The following STAG1 variants were observed in gnomAD, a reference collection of about 807,000 sequenced individuals.
STAG1 encodes STAG1 cohesin complex component.
STAG1 carries 26 observed loss-of-function variants against 170.9 expected under a neutral mutation model. The ratio of observed to expected loss-of-function variants is 0.15; its 90% CI spans 0.11 to 0.21. STAG1 has a LOEUF of 0.21. STAG1 is among the 10% of genes least tolerant of loss of function. The pLI is 1.00. For synonymous variants in STAG1, 514 were observed against 497.7 expected, an observed-to-expected ratio of 1.03 and a Z score of -0.44; for missense variants, 964 against 1,509.5, an observed-to-expected ratio of 0.64 and a Z score of 5.99.
chr3:136,442,160 T>C (rs2088652657), intron 15 of STAG1, among the ~76,000 whole-genome samples: 1 of 152,224 alleles, frequency 6.6e-6, no homozygotes, highest in South Asian at 2.1e-4. Flanking sequence ...AATGCGCCAC[T>C]GCACTCCAGT....
intron 7 of STAG1, among the ~76,000 whole-genome samples, chr3:136,514,236 A>G (rs1425127504): frequency 6.6e-6 from 1 of 152,132 alleles, no homozygotes; most frequent in Non-Finnish European, 1.5e-5. Flanking sequence ...GCTGTTCTCT[A>G]TATTAAAATC....
intron 4 of STAG1, among the ~76,000 whole-genome samples, chr3:136,588,475 G>C (rs757161764): frequency 3.3e-5 from 5 of 152,104 alleles, no homozygotes; most frequent in Non-Finnish European, 5.9e-5. Flanking sequence ...CAAGTAGCCA[G>C]GATTACCGAT....
At chr3:136,426,807 G>A (rs530220178) in intron 16 of STAG1, among the ~76,000 whole-genome samples, 67 of 152,214 alleles carry the variant, frequency 4.4e-4, no homozygotes, top group South Asian at 8.3e-4. Flanking sequence ...GGTGGCTCAC[G>A]CATGTAATCC....
At chr3:136,625,213 AT>A (rs1317106974) in intron 2 of STAG1, among the ~76,000 whole-genome samples, 3 of 152,146 alleles carry the variant, frequency 2.0e-5, no homozygotes, top group Non-Finnish European at 4.4e-5. Flanking sequence ...ACAATCTACT[AT>A]TTCTCAATCT....
chr3:136,575,398 T>C (rs1317009656), intron 4 of STAG1, among the ~76,000 whole-genome samples: 1 of 152,172 alleles, frequency 6.6e-6, no homozygotes, highest in Non-Finnish European at 1.5e-5. Context: ...TTAATTTTTG[T>C]ATTTTTGGTA....
chr3:136,468,806 T>C (rs546985455), intron 12 of STAG1, among the ~76,000 whole-genome samples: 52 of 152,294 alleles, frequency 3.4e-4, no homozygotes, highest in Middle Eastern at 3.4e-3. Flanking sequence ...GTTGGCTTCA[T>C]CCCTGGGATG....
chr3:136,710,137 G>C (rs1457243579), intron 1 of STAG1, among the ~76,000 whole-genome samples: 1 of 152,110 alleles, frequency 6.6e-6, no homozygotes, highest in African/African-American at 2.4e-5. Flanking sequence ...AGCATTTTTG[G>C]GGGGCTACAT....
At chr3:136,690,090 G>C (rs1338008624) in intron 1 of STAG1, among the ~76,000 whole-genome samples, 17 of 103,104 alleles carry the variant, frequency 1.6e-4, no homozygotes, top group Non-Finnish European at 3.5e-4. Flanking sequence ...GTAAAGAAAA[G>C]AGAGAAAAAA....
At chr3:136,526,045 C>T (rs769485439) in intron 6 of STAG1, among the ~76,000 whole-genome samples, 7 of 152,044 alleles carry the variant, frequency 4.6e-5, no homozygotes, top group Admixed American at 2.0e-4. Flanking sequence ...ATAAGTATGA[C>T]GTGGTGCTGA....
At chr3:136,680,985 A>G (rs1322123889) in intron 1 of STAG1, among the ~76,000 whole-genome samples, 1 of 151,216 alleles carries the variant, frequency 6.6e-6, no homozygotes, top group African/African-American at 2.4e-5. Flanking sequence ...ATCTGTCCAT[A>G]TATTTTAAAA....
At chr3:136,673,880 A>G (rs1942048004) in intron 1 of STAG1, among the ~76,000 whole-genome samples, 13 of 151,872 alleles carry the variant, frequency 8.6e-5, no homozygotes, top group Admixed American at 8.5e-4. Context: ...AGGCAGGTGG[A>G]TTGCTTGAGC....
At chr3:136,383,995 A>G (rs1938126317) in intron 22 of STAG1, among the ~76,000 whole-genome samples, 3 of 151,258 alleles carry the variant, frequency 2.0e-5, no homozygotes, top group Admixed American at 1.3e-4. Context: ...AGTCACAGAG[A>G]TGTTAAGCAA....
At chr3:136,623,057 A>G in intron 3 of STAG1, 89 bp downstream of exon 3, 2 of 1,118,588 alleles carry the variant, frequency 1.8e-6, no homozygotes, top group Non-Finnish European at 2.6e-6. Flanking sequence ...TTTAAGTATT[A>G]ACCATACTAG....
intron 4 of STAG1, among the ~76,000 whole-genome samples, chr3:136,603,667 G>A (rs957474235): frequency 2.0e-5 from 3 of 152,116 alleles, no homozygotes; most frequent in Non-Finnish European, 4.4e-5. Flanking sequence ...GGTGGATCAC[G>A]AGGTCAGCAG....
chr3:136,470,900 G>A (rs1302170884), intron 12 of STAG1, among the ~76,000 whole-genome samples: 2 of 150,986 alleles, frequency 1.3e-5, no homozygotes, highest in Non-Finnish European at 2.9e-5. Context: ...ACCAAACACT[G>A]CATGTTCTCA....
chr3:136,602,790 G>A (rs900760310), intron 4 of STAG1, among the ~76,000 whole-genome samples: 2 of 152,142 alleles, frequency 1.3e-5, no homozygotes, highest in Non-Finnish European at 2.9e-5. Context: ...GGTGGAGGTT[G>A]CAGTGAGCCA....
rs544342641 is a variant in STAG1 at position 136,339,471 on chromosome 3, C to T, written c.3672+1020G>A. On this transcript the variant is annotated intron_variant, in intron 32 of 33. Coordinates refer to ENST00000383202, the MANE Select transcript of STAG1 (RefSeq NM_005862.3). ...CTGGGAGGCAGAGGTTGCAGTGAGC[C>T]GAGATTGCAGCATTGCACTACAGCC... Among the ~76,000 whole-genome samples the T allele has an allele frequency of 2.6e-5, 4 of 152,170 alleles. No homozygotes were observed. The East Asian group carries it at 7.7e-4, about 29-fold the overall frequency.
At position 136,422,825 on chromosome 3, in the gene STAG1, C is replaced by A. The variant is rs1316130613; in HGVS notation, c.1776G>T (p.Leu592Phe). ...AATCAAAATACTGTGGGATTTGTAG[C>A]AAGTTTGCTACCTTCTCTGCATCTG... ...YSADAEKVAN[L>F]LQIPQYFDLE... The change falls in exon 18 of 34, where the codon TTG becomes TTT. Residue 592 changes from leucine (L) to phenylalanine (F), a missense_variant. Transcript: ENST00000383202. The A allele has an allele frequency of 1.2e-6, 2 of 1,610,102 alleles. No homozygotes were observed. The highest frequency in any genetic ancestry group is 1.3e-5 in the African/African-American group (1 of 74,752).
At chr3:136,506,476 C>CAAAAAAAAAA (rs11414654) in intron 7 of STAG1, among the ~76,000 whole-genome samples, 26 of 84,918 alleles carry the variant, frequency 3.1e-4, no homozygotes, top group South Asian at 9.5e-4. Flanking sequence ...ACTAAAAATA[C>CAAAAAAAAAA]AAAAAAAAAA....
Sources: gnomAD v4.1 joint callset for allele counts (sites outside exome capture counted in the v4.1 genomes callset) on GRCh38, gnomAD v4.1.1 for gene constraint, MANE v1.5 for transcripts, NCBI Gene and HGNC (gene_info 2026-07-23, HGNC 2026-07-21) for gene names.